Variants in LIPA observed in about 807,000 individuals in gnomAD.
LIPA encodes the protein lysosomal acid lipase/cholesteryl ester hydrolase.
Under a neutral mutation model 40.6 loss-of-function variants are expected in LIPA, and 26 were observed. The ratio of observed to expected loss-of-function variants is 0.64; its 90% CI spans 0.47 to 0.89. LIPA has a LOEUF of 0.89. Among genes scored for constraint, LIPA ranks in the 40% least tolerant of loss-of-function variants. The pLI is 0.00. For missense variants in LIPA, 455 were observed against 479.6 expected (o/e 0.95, Z 0.48); for synonymous variants, 188 against 168.4 (o/e 1.12, Z -0.90).
chr10:89,338,572 C>A, intron 1 of LIPA: 1 of 1,264,764 alleles, frequency 7.9e-7, no homozygotes, highest in Non-Finnish European at 1.1e-6. Context: ...CATCCTGTGG[C>A]CCAGTTCAAT....
At chr10:89,402,465 C>G (rs749812697) in intron 2 of LIPA, 2 of 1,614,126 alleles carry the variant, frequency 1.2e-6, no homozygotes, top group Non-Finnish European at 1.7e-6. Flanking sequence ...TGTGAAACAC[C>G]TGAAAGGCCA....
intron 2 of LIPA, among the ~76,000 whole-genome samples, chr10:89,349,259 T>C (rs929205163): frequency 2.0e-5 from 3 of 152,156 alleles, no homozygotes; most frequent in African/African-American, 7.2e-5. Context: ...CATATTCTTC[T>C]GAGGGCCCAT....
intron 3 of LIPA, among the ~76,000 whole-genome samples, chr10:89,231,046 A>G (rs1050482481): frequency 1.3e-5 from 2 of 152,228 alleles, no homozygotes; most frequent in African/African-American, 2.4e-5. Context: ...ACTTGGTATA[A>G]TAATTATCCA....
intron 1 of LIPA, among the ~76,000 whole-genome samples, chr10:89,305,748 G>A (rs1276480519): frequency 1.3e-5 from 2 of 152,008 alleles, no homozygotes; most frequent in Non-Finnish European, 2.9e-5. Flanking sequence ...CACTGCCCTC[G>A]CCCTAATTCT....
intron 1 of LIPA, chr10:89,291,987 G>A (rs1843377562): frequency 6.6e-6 from 1 of 152,154 alleles, no homozygotes; most frequent in East Asian, 1.9e-4. Context: ...CAATTTCCAG[G>A]CTCTAGGGGA....
At chr10:89,227,291 G>A (rs749574811) in intron 4 of LIPA, among the ~76,000 whole-genome samples, 3 of 152,130 alleles carry the variant, frequency 2.0e-5, no homozygotes, top group Non-Finnish European at 4.4e-5. Context: ...TCCTGTATCT[G>A]GCTTAATCCA....
intron 2 of LIPA, among the ~76,000 whole-genome samples, chr10:89,353,142 C>T (rs75066262): frequency 0.019 from 2,951 of 152,218 alleles, 42 homozygotes; most frequent in African/African-American, 0.037. Flanking sequence ...GTTGTTAAAC[C>T]GTCCCTAAAA....
chr10:89,335,743 C>G (rs1843728590), intron 1 of LIPA, among the ~76,000 whole-genome samples: 1 of 152,256 alleles, frequency 6.6e-6, no homozygotes, highest in Middle Eastern at 3.4e-3. Flanking sequence ...CAGATACATT[C>G]TATTGATCTG....
chr10:89,247,401 AAAAAAAAAAAT>A, intron 2 of LIPA, 126 bp downstream of exon 2: 20 of 608,072 alleles, frequency 3.3e-5, no homozygotes, highest in African/African-American at 2.8e-4. Flanking sequence ...AAAAAAAAAA[AAAAAAAAAAAT>A]TCAGAGAAAT....
intron 2 of LIPA, among the ~76,000 whole-genome samples, chr10:89,395,394 C>T (rs1287011958): frequency 6.6e-6 from 1 of 152,198 alleles, no homozygotes; most frequent in Non-Finnish European, 1.5e-5. Flanking sequence ...CAATGGCTCC[C>T]CCTTTCCCAT....
chr10:89,379,539 A>G (rs1196176366), intron 2 of LIPA, among the ~76,000 whole-genome samples: 1 of 152,148 alleles, frequency 6.6e-6, no homozygotes, highest in Non-Finnish European at 1.5e-5. Context: ...AAGTATTCTG[A>G]CCTGCTAGAG....
intron 2 of LIPA, chr10:89,384,142 GC>G: frequency 6.2e-7 from 1 of 1,614,164 alleles, no homozygotes. Flanking sequence ...CTTAAAAATG[GC>G]CTTGGAGACA....
At chr10:89,304,576 C>A (rs547145719) in intron 1 of LIPA, among the ~76,000 whole-genome samples, 1 of 152,018 alleles carries the variant, frequency 6.6e-6, no homozygotes, top group Non-Finnish European at 1.5e-5. Context: ...GCTCCTGATA[C>A]AAGGGTTGCT....
chr10:89,222,726 T>G, intron 7 of LIPA, 144 bp from the exon 8 acceptor site: 1 of 689,510 alleles, frequency 1.5e-6, no homozygotes, highest in Non-Finnish European at 2.6e-6. Context: ...AAAAATTATT[T>G]GACTAAAAAT....
Position 89,336,129 on chromosome 10 carries a change from G to A in LIPA, c.-2+6482C>T, listed in dbSNP as rs556049694. Among the ~76,000 whole-genome samples, 4 of 148,794 alleles carry A rather than the reference G, an allele frequency of 2.7e-5. No individual in the cohort carries two copies. In the South Asian group the frequency reaches 8.9e-4, roughly 33 times the overall value. On this transcript the variant is annotated intron_variant, in intron 1 of 5. Transcript: ENST00000282673. ...TGTCTCTGCAAAAAAAGGAAGGAAG[G>A]GAGGAAAGAAGGAAAATAGGGAGGG...
intron 1 of LIPA, chr10:89,335,494 A>G (rs1213756968): frequency 6.6e-6 from 1 of 150,962 alleles, no homozygotes; most frequent in African/African-American, 2.4e-5. Context: ...CTTAAAATTT[A>G]GTTTGGTAAG....
At chr10:89,327,806 T>C (rs1284740410) in intron 1 of LIPA, 1 of 474,416 alleles carries the variant, frequency 2.1e-6, no homozygotes, top group African/African-American at 2.0e-5. Context: ...AATAACGTAC[T>C]CTGGCTCAGC....
chr10:89,244,578 G>A (rs539814423), intron 3 of LIPA, among the ~76,000 whole-genome samples: 2 of 151,914 alleles, frequency 1.3e-5, no homozygotes, highest in South Asian at 2.1e-4. Context: ...CCGAAAATCC[G>A]TCTCAAAAAA....
chr10:89,413,018 A>G (rs1210702509), intron 1 of LIPA: 1 of 170,248 alleles, frequency 5.9e-6, no homozygotes, highest in Non-Finnish European at 1.3e-5. Context: ...ACCACCCCCA[A>G]CTCCAACAAG....
Sources: gnomAD v4.1 joint callset for allele counts (sites outside exome capture counted in the v4.1 genomes callset) on GRCh38, gnomAD v4.1.1 for gene constraint, MANE v1.5 for transcripts, NCBI Gene and HGNC (gene_info 2026-07-23, HGNC 2026-07-21) for gene names.